Variants in WNT2 observed in about 807,000 individuals in gnomAD.
The protein encoded by WNT2 is protein Wnt-2.
WNT2 carries 12 observed loss-of-function variants against 36.9 expected under a neutral mutation model. The ratio of observed to expected loss-of-function variants is 0.33; its 90% CI spans 0.21 to 0.53. WNT2 has a LOEUF of 0.53. WNT2 is among the 20% of genes least tolerant of loss of function. WNT2 has a pLI of 0.95. For synonymous variants in WNT2, 163 were observed against 174.6 expected (o/e 0.93, Z 0.52); for missense variants, 379 against 473.1 (o/e 0.80, Z 1.84).
At chr7:117,307,143 T>C (rs1241697150) in intron 3 of WNT2, among the ~76,000 whole-genome samples, 1 of 152,216 alleles carries the variant, frequency 6.6e-6, no homozygotes, top group Non-Finnish European at 1.5e-5. Context: ...AAAAGAGCTA[T>C]GGAAGAAGAA....
intron 4 of WNT2, among the ~76,000 whole-genome samples, chr7:117,291,045 T>C (rs17139618): frequency 0.019 from 2,877 of 152,306 alleles, 92 homozygotes; most frequent in African/African-American, 0.062. Context: ...CCGGCATTCA[T>C]GAGCTTCTGC....
intron 3 of WNT2, among the ~76,000 whole-genome samples, chr7:117,298,264 A>C (rs1309436473): frequency 6.6e-6 from 1 of 152,260 alleles, no homozygotes; most frequent in Non-Finnish European, 1.5e-5. Context: ...TTAAAATAAA[A>C]TAATATAAAA....
intron 3 of WNT2, among the ~76,000 whole-genome samples, chr7:117,306,370 T>C (rs1795014957): frequency 6.6e-6 from 1 of 152,230 alleles, no homozygotes; most frequent in Non-Finnish European, 1.5e-5. Flanking sequence ...CTGCTCAAGC[T>C]GTTGCTTTTG....
In WNT2 at chr7:117,283,420, G is replaced by A. The variant is rs150172974; in HGVS notation, c.854-5036C>T. Among the ~76,000 whole-genome samples the A allele has an allele frequency of 2.5e-3, 378 of 152,302 alleles. 2 individuals are homozygous for A. Among genetic ancestry groups the A allele is most frequent in the African/African-American group, 8.5e-3 (355 of 41,554 alleles). Reference sequence around the variant, plus strand: ...CATGCATTAGAATTCTTTATCTGCCGTAGGGCTTTGGGCTTAAGGGGGCCA... The same window carrying A: ...CATGCATTAGAATTCTTTATCTGCCATAGGGCTTTGGGCTTAAGGGGGCCA... On this transcript the variant is annotated intron_variant, in intron 4 of 4. Transcript: ENST00000265441.
intron 3 of WNT2, among the ~76,000 whole-genome samples, chr7:117,298,930 C>A (rs920291487): frequency 6.6e-6 from 1 of 152,190 alleles, no homozygotes; most frequent in Non-Finnish European, 1.5e-5. Flanking sequence ...CTCCCCAGGT[C>A]GGGCCTTGGC....
intron 4 of WNT2, among the ~76,000 whole-genome samples, chr7:117,289,208 C>G (rs1272117946): frequency 1.3e-5 from 2 of 152,010 alleles, no homozygotes; most frequent in Non-Finnish European, 2.9e-5. Context: ...CAGGCGCCCA[C>G]CACAACGCCC....
intron 2 of WNT2, chr7:117,320,331 G>GA (rs1326892218): frequency 7.5e-6 from 4 of 534,520 alleles, no homozygotes; most frequent in African/African-American, 5.7e-5. Flanking sequence ...AGCAAAGAGT[G>GA]AAAAGACAAC....
chr7:117,320,386 C>T (rs1262709065), intron 2 of WNT2, 181 bp downstream of exon 2: 14 of 640,016 alleles, frequency 2.2e-5, no homozygotes, highest in Non-Finnish European at 3.8e-5. Flanking sequence ...TCTTACAAAC[C>T]TCTAGACATG....
rs544068996 is a variant in WNT2, at chr7:117,278,931, G to A, written c.854-547C>T. On this transcript the variant is annotated intron_variant, in intron 4 of 4. Transcript: ENST00000265441. ...AACTCTGGTTCTGAAGAGGAGACAT[G>A]GGCATCATTTGTGTGAGACCCTGAG... 2.2e-4 allele frequency among the ~76,000 whole-genome samples: 33 copies of A among 152,282 alleles called. 1 individual carries two copies. In the East Asian group the frequency reaches 5.6e-3, roughly 26 times the overall value.
chr7:117,319,112 C>G (rs1795273448), intron 2 of WNT2, among the ~76,000 whole-genome samples: 3 of 152,088 alleles, frequency 2.0e-5, no homozygotes, highest in Admixed American at 2.0e-4. Context: ...ACACTGAGAG[C>G]CATGCATAAT....
At chr7:117,301,560 A>G (rs781093313) in intron 3 of WNT2, among the ~76,000 whole-genome samples, 4 of 152,228 alleles carry the variant, frequency 2.6e-5, no homozygotes, top group Non-Finnish European at 5.9e-5. Context: ...TACACATATT[A>G]TCTAATTATC....
At chr7:117,304,118 A>G (rs1359404608) in intron 3 of WNT2, among the ~76,000 whole-genome samples, 1 of 152,190 alleles carries the variant, frequency 6.6e-6, no homozygotes, top group Non-Finnish European at 1.5e-5. Context: ...GAATTCTTGC[A>G]TGTCTGACAT....
intron 3 of WNT2, 138 bp downstream of exon 3, chr7:117,314,933 C>G (rs1795186002): frequency 7.7e-7 from 1 of 1,300,968 alleles, no homozygotes; most frequent in Non-Finnish European, 1.1e-6. Context: ...TCCGAACAAA[C>G]AGCTAATGGC....
At chr7:117,292,384 C>A (rs549913585) in intron 4 of WNT2, among the ~76,000 whole-genome samples, 2 of 152,088 alleles carry the variant, frequency 1.3e-5, no homozygotes, top group Non-Finnish European at 2.9e-5. Flanking sequence ...TTCTCACAGG[C>A]CATGCCATCT....
At chr7:117,281,455 C>T (rs140109676) in intron 4 of WNT2, among the ~76,000 whole-genome samples, 3 of 152,100 alleles carry the variant, frequency 2.0e-5, no homozygotes, top group African/African-American at 7.2e-5. Flanking sequence ...CCAGGCTGGT[C>T]TCAAACTCCT....
At chr7:117,320,019 A>T (rs769572782) in intron 2 of WNT2, among the ~76,000 whole-genome samples, 2 of 152,220 alleles carry the variant, frequency 1.3e-5, no homozygotes, top group Non-Finnish European at 2.9e-5. Flanking sequence ...ATCTGTTGGG[A>T]GGAAAAATGT....
chr7:117,302,839 A>T (rs191776021), intron 3 of WNT2, among the ~76,000 whole-genome samples: 9 of 152,328 alleles, frequency 5.9e-5, no homozygotes, highest in Admixed American at 5.2e-4. Flanking sequence ...AAAGGCCTGC[A>T]TATGTGTGTA....
intron 3 of WNT2, among the ~76,000 whole-genome samples, chr7:117,305,284 C>A (rs2116370537): frequency 6.6e-6 from 1 of 152,290 alleles, no homozygotes; most frequent in South Asian, 2.1e-4. Context: ...ATCTTTTGGG[C>A]TTTTTGATGT....
intron 2 of WNT2, among the ~76,000 whole-genome samples, chr7:117,315,710 A>C (rs1270323324): frequency 6.6e-6 from 1 of 152,220 alleles, no homozygotes; most frequent in Non-Finnish European, 1.5e-5. Context: ...TAGCATCTCT[A>C]GGCCTTTTTC....
Sources: allele counts gnomAD v4.1 joint callset (sites outside exome capture counted in the v4.1 genomes callset), GRCh38; gene constraint gnomAD v4.1.1; transcripts MANE v1.5; gene names NCBI Gene and HGNC (gene_info 2026-07-23, HGNC 2026-07-21).